TMEFF2: variants seen among roughly 807,000 people sequenced by gnomAD.
The protein encoded by TMEFF2 is transmembrane protein with EGF like and two follistatin like domains 2.
TMEFF2 carries 28 observed loss-of-function variants against 53.8 expected under a neutral mutation model. The ratio of observed to expected loss-of-function variants is 0.52; its 90% CI spans 0.39 to 0.71. The LOEUF is 0.71. Among genes scored for constraint, TMEFF2 ranks in the 30% least tolerant of loss-of-function variants. The pLI is 0.00. For synonymous variants in TMEFF2, 162 were observed against 166.3 expected (o/e 0.97, Z 0.20); for missense variants, 353 against 455.2 (o/e 0.78, Z 2.04).
At chr2:192,051,687 A>ATTCATGAGCCTCCACAATCCAAAATG (rs1687777471) in intron 5 of TMEFF2, among the ~76,000 whole-genome samples, 1 of 152,166 alleles carries the variant, frequency 6.6e-6, no homozygotes, top group African/African-American at 2.4e-5. Flanking sequence ...CACTTCAAAT[A>ATTCATGAGCCTCCACAATCCAAAATG]TTCATGAGCC....
At chr2:191,994,875 C>A (rs981180821) in intron 7 of TMEFF2, among the ~76,000 whole-genome samples, 1 of 151,890 alleles carries the variant, frequency 6.6e-6, no homozygotes, top group Admixed American at 6.6e-5. Flanking sequence ...ATGAAGAGAT[C>A]CAAAGCCCTT....
In TMEFF2 at chr2:191,949,621, ACTTCC is replaced by A; in HGVS notation, c.*685_*689del. 1.0e-6 allele frequency: 1 copy of A among 985,384 alleles called. No individual in the cohort carries two copies. The highest frequency in any genetic ancestry group is 4.7e-5 in the South Asian group (1 of 21,292). 61.0% of individuals were successfully genotyped at this position (985,384 alleles called of 1,614,324 possible). On this transcript the variant is annotated 3_prime_UTR_variant, in exon 10 of 10. Coordinates refer to ENST00000272771, the MANE Select transcript of TMEFF2 (RefSeq NM_016192.4). ...GCACTTAACTGGGGGATTCTAAGCT[ACTTCC>A]CCAATAAAAACCAATATTTTCTTTC... is the stretch of plus-strand genomic sequence containing the variant.
Position 192,151,672 on chromosome 2 carries a change from TC to T in TMEFF2, c.439+27995del, listed in dbSNP as rs374765332. Among the ~76,000 whole-genome samples the T allele has an allele frequency of 9.9e-5, 15 of 152,028 alleles. No individual in the cohort carries two copies. The East Asian group carries it at 2.5e-3, about 26-fold the overall frequency. On this transcript the variant is annotated intron_variant, in intron 4 of 9. Coordinates refer to ENST00000272771, the MANE Select transcript of TMEFF2 (RefSeq NM_016192.4). ...CAGGAACCAGAGAAGTAAATTGTTC[TC>T]AAACTTTTCTCTGACACTCAGAAGG...
intron 5 of TMEFF2, chr2:192,032,322 G>A (rs1164190915): frequency 1.3e-5 from 2 of 151,980 alleles, no homozygotes; most frequent in African/African-American, 4.8e-5. Context: ...AAAAAAGCAG[G>A]CTATTCATGA....
chr2:191,965,664 C>A (rs574467095), intron 7 of TMEFF2, among the ~76,000 whole-genome samples: 1 of 152,118 alleles, frequency 6.6e-6, no homozygotes, highest in South Asian at 2.1e-4. Context: ...TCTTCTGCAT[C>A]TTCTTACATT....
chr2:192,151,264 T>C (rs912996511), intron 4 of TMEFF2, among the ~76,000 whole-genome samples: 32 of 151,996 alleles, frequency 2.1e-4, no homozygotes, highest in African/African-American at 7.5e-4. Context: ...TATGTCTTTA[T>C]AGCAGTGTGA....
chr2:192,103,219 A>C (rs1374728655), intron 4 of TMEFF2, among the ~76,000 whole-genome samples: 1 of 152,118 alleles, frequency 6.6e-6, no homozygotes, highest in East Asian at 1.9e-4. Context: ...CTCCCAAGGA[A>C]ATTCTTTTTA....
intron 4 of TMEFF2, among the ~76,000 whole-genome samples, chr2:192,122,107 A>G (rs1374594465): frequency 6.6e-6 from 1 of 152,198 alleles, no homozygotes; most frequent in African/African-American, 2.4e-5. Flanking sequence ...GCCAATTACT[A>G]TAATTTGATC....
At chr2:192,193,378 G>A (rs1691508752) in intron 1 of TMEFF2, among the ~76,000 whole-genome samples, 1 of 152,154 alleles carries the variant, frequency 6.6e-6, no homozygotes, top group African/African-American at 2.4e-5. Flanking sequence ...TGCCAGCTAG[G>A]AGTGCAGCAA....
At chr2:191,999,444 A>G (rs1032381667) in intron 5 of TMEFF2, among the ~76,000 whole-genome samples, 13 of 152,140 alleles carry the variant, frequency 8.5e-5, no homozygotes, top group African/African-American at 2.4e-4. Flanking sequence ...AAACTCAAAA[A>G]TGATCATCAG....
chr2:192,183,404 T>C lies in TMEFF2; in HGVS notation c.412+950A>G, dbSNP rs191774746. Among the ~76,000 whole-genome samples the C allele has an allele frequency of 2.2e-3, 332 of 152,184 alleles. 3 individuals are homozygous for C. Among genetic ancestry groups the C allele is most frequent in the African/African-American group, 7.5e-3 (313 of 41,562 alleles). On this transcript the variant is annotated intron_variant, in intron 3 of 9. Coordinates refer to ENST00000272771, the MANE Select transcript of TMEFF2 (RefSeq NM_016192.4). ...TACACTAGATTAGAAATACCTGTTA[T>C]CTAAGAGGGACTTTTGAATAAATAG... is the stretch of plus-strand genomic sequence containing the variant.
chr2:192,080,664 A>G (rs986634566), intron 4 of TMEFF2, among the ~76,000 whole-genome samples: 1 of 152,158 alleles, frequency 6.6e-6, no homozygotes, highest in Non-Finnish European at 1.5e-5. Flanking sequence ...ATCGATTTAA[A>G]TGACCAGTTT....
At chr2:192,064,393 T>C (rs1302023554) in intron 4 of TMEFF2, among the ~76,000 whole-genome samples, 1 of 151,848 alleles carries the variant, frequency 6.6e-6, no homozygotes, top group African/African-American at 2.4e-5. Flanking sequence ...ATTTTTACTT[T>C]ATACAGCCAT....
At chr2:192,102,396 A>G (rs1474645973) in intron 4 of TMEFF2, among the ~76,000 whole-genome samples, 5 of 152,070 alleles carry the variant, frequency 3.3e-5, no homozygotes, top group African/African-American at 4.8e-5. Flanking sequence ...GGTTGTGTAT[A>G]GGGTCCCACG....
intron 4 of TMEFF2, among the ~76,000 whole-genome samples, chr2:192,093,704 G>C (rs1688842321): frequency 6.6e-6 from 1 of 151,976 alleles, no homozygotes; most frequent in Admixed American, 6.6e-5. Flanking sequence ...GGCCCAATCA[G>C]ACCTTATTTG....
intron 4 of TMEFF2, among the ~76,000 whole-genome samples, chr2:192,078,917 A>C (rs1177981006): frequency 1.3e-5 from 2 of 152,172 alleles, no homozygotes; most frequent in Non-Finnish European, 2.9e-5. Context: ...TATTCCTACT[A>C]ATGGGATATA....
At chr2:192,062,808 T>C (rs1043837470) in intron 4 of TMEFF2, among the ~76,000 whole-genome samples, 1 of 152,082 alleles carries the variant, frequency 6.6e-6, no homozygotes, top group African/African-American at 2.4e-5. Context: ...TGAGATATGC[T>C]GGCTGTAATT....
intron 4 of TMEFF2, among the ~76,000 whole-genome samples, chr2:192,176,193 T>C (rs2106029462): frequency 6.6e-6 from 1 of 151,540 alleles, no homozygotes; most frequent in East Asian, 1.9e-4. Flanking sequence ...TTTCTCAAAT[T>C]CTTTGGAATT....
At chr2:192,086,841 A>G (rs571458160) in intron 4 of TMEFF2, among the ~76,000 whole-genome samples, 1 of 152,070 alleles carries the variant, frequency 6.6e-6, no homozygotes, top group Admixed American at 6.6e-5. Flanking sequence ...CAATTTAAAC[A>G]TGGTAGGAAA....
Sources: allele counts gnomAD v4.1 joint callset (sites outside exome capture counted in the v4.1 genomes callset), GRCh38; gene constraint gnomAD v4.1.1; transcripts MANE v1.5; gene names NCBI Gene and HGNC (gene_info 2026-07-23, HGNC 2026-07-21).